Variants in GLIS3 observed in about 807,000 individuals in gnomAD.
The protein encoded by GLIS3 is zinc finger protein GLIS3.
A neutral mutation model predicts 78.6 loss-of-function variants in GLIS3; 53 were observed. The observed-to-expected ratio is 0.67, with a 90% CI of 0.54 to 0.85. GLIS3 has a LOEUF of 0.85. GLIS3 is among the 40% of genes least tolerant of loss of function. The probability of loss-of-function intolerance (pLI) is 0.00; values close to 1 mark genes in which losing one functional copy is unlikely to be tolerated. For synonymous variants in GLIS3, 684 were observed against 509.9 expected (o/e 1.34, Z -4.60); for missense variants, 1,703 against 1,231.1 (o/e 1.38, Z -5.74).
At chr9:3,958,372 A>G (rs914122448) in intron 4 of GLIS3, among the ~76,000 whole-genome samples, 1 of 152,164 alleles carries the variant, frequency 6.6e-6, no homozygotes, top group African/African-American at 2.4e-5. Context: ...TTTTCAAAAA[A>G]AGTCATGAAT....
At chr9:4,490,233 C>T in the GLIS3 span, among the ~76,000 whole-genome samples, 2 of 152,236 alleles carry the variant, frequency 1.3e-5, no homozygotes, top group African/African-American at 2.4e-5. Flanking sequence ...GCGTGGAAAG[C>T]GAGACAGACT....
chr9:3,830,465 C>T (rs1259799738), intron 9 of GLIS3, among the ~76,000 whole-genome samples: 1 of 152,168 alleles, frequency 6.6e-6, no homozygotes, highest in Non-Finnish European at 1.5e-5. Context: ...TCTCCTCAAC[C>T]GTAAAATGTG....
At chr9:4,471,079 C>G in the GLIS3 span, among the ~76,000 whole-genome samples, 3 of 152,060 alleles carry the variant, frequency 2.0e-5, no homozygotes, top group Non-Finnish European at 2.9e-5. Flanking sequence ...AGGAGAACTA[C>G]AAACCACTGC....
the GLIS3 span, among the ~76,000 whole-genome samples, chr9:4,448,028 A>C: frequency 6.6e-6 from 1 of 152,318 alleles, no homozygotes; most frequent in East Asian, 1.9e-4. Flanking sequence ...TTGAGATTAC[A>C]GTCATGAGCC....
At chr9:4,363,585 T>A in the GLIS3 span, among the ~76,000 whole-genome samples, 4 of 152,208 alleles carry the variant, frequency 2.6e-5, no homozygotes, top group Non-Finnish European at 5.9e-5. Flanking sequence ...CTGCAATACA[T>A]ATTGCAGCAA....
chr9:4,342,509 G>C (rs1304394006), intron 2 of GLIS3, among the ~76,000 whole-genome samples: 1 of 152,158 alleles, frequency 6.6e-6, no homozygotes, highest in African/African-American at 2.4e-5. Flanking sequence ...GTAGTATAAA[G>C]TTGGGTAACG....
At chr9:4,235,886 G>A (rs1013417515) in intron 2 of GLIS3, among the ~76,000 whole-genome samples, 1 of 151,974 alleles carries the variant, frequency 6.6e-6, no homozygotes, top group Non-Finnish European at 1.5e-5. Context: ...AAAGCATCCC[G>A]GCATACTGAT....
chr9:4,199,669 A>G (rs1412794566), intron 2 of GLIS3, among the ~76,000 whole-genome samples: 1 of 152,112 alleles, frequency 6.6e-6, no homozygotes, highest in African/African-American at 2.4e-5. Flanking sequence ...AAGTACTTCT[A>G]GACCTACAAA....
At chr9:4,256,357 T>C (rs1300853335) in intron 2 of GLIS3, among the ~76,000 whole-genome samples, 2 of 152,234 alleles carry the variant, frequency 1.3e-5, no homozygotes, top group Non-Finnish European at 2.9e-5. Flanking sequence ...TATGAAATGT[T>C]AATTTGCATA....
intron 2 of GLIS3, among the ~76,000 whole-genome samples, chr9:4,241,894 G>A (rs1036976267): frequency 6.6e-6 from 1 of 152,154 alleles, no homozygotes; most frequent in Non-Finnish European, 1.5e-5. Flanking sequence ...ATGTTGGCCA[G>A]GCTGTTCTCA....
intron 6 of GLIS3, among the ~76,000 whole-genome samples, chr9:3,902,266 G>A (rs1823360380): frequency 6.6e-6 from 1 of 152,184 alleles, no homozygotes; most frequent in African/African-American, 2.4e-5. Flanking sequence ...AGAGCCGTAT[G>A]CATAGAAACG....
At chr9:4,265,269 A>G (rs1034221678) in intron 2 of GLIS3, among the ~76,000 whole-genome samples, 1 of 152,030 alleles carries the variant, frequency 6.6e-6, no homozygotes, top group Admixed American at 6.6e-5. Context: ...CATCTGTGCT[A>G]ATCTCATAAT....
At chr9:3,849,601 T>C (rs946907525) in intron 9 of GLIS3, among the ~76,000 whole-genome samples, 2 of 152,156 alleles carry the variant, frequency 1.3e-5, no homozygotes, top group African/African-American at 4.8e-5. Context: ...CACTGTTTCC[T>C]GTTAGACGTC....
intron 9 of GLIS3, chr9:3,855,464 A>G: frequency 6.0e-6 from 1 of 167,698 alleles, no homozygotes; most frequent in Non-Finnish European, 1.3e-5. Flanking sequence ...TTATTCACAG[A>G]TAAGTAAAAC....
At chr9:3,931,720 T>C (rs1173912521) in intron 6 of GLIS3, among the ~76,000 whole-genome samples, 2 of 152,296 alleles carry the variant, frequency 1.3e-5, no homozygotes, top group Non-Finnish European at 1.5e-5. Flanking sequence ...GACAGGATGG[T>C]TGGTCTCTAA....
At chr9:4,127,169 A>G (rs1183750940) in intron 2 of GLIS3, among the ~76,000 whole-genome samples, 1 of 152,164 alleles carries the variant, frequency 6.6e-6, no homozygotes, top group Non-Finnish European at 1.5e-5. Flanking sequence ...GCTGCCAGGA[A>G]TCCTGGTCTA....
chr9:3,932,672 C>T (rs1157715407), intron 5 of GLIS3: 4 of 534,362 alleles, frequency 7.5e-6, no homozygotes, highest in Non-Finnish European at 1.4e-5. Context: ...TTTCAAGGAA[C>T]AAAGAGATGC....
At chr9:4,082,488 G>A (rs1169599085) in intron 4 of GLIS3, among the ~76,000 whole-genome samples, 2 of 152,180 alleles carry the variant, frequency 1.3e-5, no homozygotes, top group Non-Finnish European at 2.9e-5. Flanking sequence ...CTCAGGTCTT[G>A]AGGGAGAAGA....
At chr9:4,308,763 T>G (rs1384255530) in intron 4 of GLIS3, 3 of 152,262 alleles carry the variant, frequency 2.0e-5, no homozygotes, top group African/African-American at 2.4e-5. Flanking sequence ...CCCTCTTTGA[T>G]CTCTTTGTCT....
Sources: allele counts gnomAD v4.1 joint callset (sites outside exome capture counted in the v4.1 genomes callset), GRCh38; gene constraint gnomAD v4.1.1; transcripts MANE v1.5; gene names NCBI Gene and HGNC (gene_info 2026-07-23, HGNC 2026-07-21).